SEC13: variants seen among roughly 807,000 people sequenced by gnomAD.
The protein encoded by SEC13 is SEC13 homolog, nuclear pore and COPII component.
SEC13 carries 25 observed loss-of-function variants against 49.2 expected under a neutral mutation model. That is an observed-to-expected ratio of 0.51 (90% CI 0.37 to 0.71). The LOEUF is 0.71. Ranked by LOEUF, SEC13 falls within the 30% of genes least tolerant of loss-of-function variation. The probability of loss-of-function intolerance (pLI) is 0.00; values close to 1 mark genes in which losing one functional copy is unlikely to be tolerated. For synonymous variants in SEC13, 148 were observed against 163.9 expected (o/e 0.90, Z 0.74); for missense variants, 383 against 417.6 (o/e 0.92, Z 0.72).
intron 5 of SEC13, chr3:10,311,484 G>T: frequency 4.3e-6 from 1 of 231,236 alleles, no homozygotes; most frequent in Non-Finnish European, 7.2e-6. Flanking sequence ...ATTGATGTTC[G>T]CTTTGCAAAC....
intron 5 of SEC13, among the ~76,000 whole-genome samples, chr3:10,306,458 A>G (rs1389578325): frequency 6.6e-6 from 1 of 152,222 alleles, no homozygotes; most frequent in Non-Finnish European, 1.5e-5. Context: ...AGCTGTCAAT[A>G]ACTCAGGCCT....
chr3:10,301,771 G>C (rs1244380712), intron 8 of SEC13, among the ~76,000 whole-genome samples: 1 of 152,282 alleles, frequency 6.6e-6, no homozygotes, highest in East Asian at 1.9e-4. Flanking sequence ...GAAGCTCTGG[G>C]GGTGGGGCTG....
At chr3:10,303,660 T>A (rs1244185732) in intron 8 of SEC13, 1 of 303,394 alleles carries the variant, frequency 3.3e-6, no homozygotes, top group African/African-American at 2.1e-5. Flanking sequence ...TCCCCAATCT[T>A]CTTCTGTTTA....
In SEC13 at chr3:10,321,100, G is replaced by C; in HGVS notation, c.-48C>G. 6.2e-7 allele frequency: 1 copy of C among 1,612,068 alleles called. No individual in the cohort carries two copies. The highest frequency in any genetic ancestry group is 8.5e-7 in the Non-Finnish European group (1 of 1,179,444). ...GGTCTCGGACGTGGCAGCTCCCGGC[G>C]GCGCCTCGGAACAGCTCACTTCCGG... On this transcript the variant is annotated 5_prime_UTR_variant, in exon 1 of 9. Transcript: ENST00000350697. This position sits in a 1 kb window ranked among gnomAD's most constrained non-coding sequence, Gnocchi z 4.1.
chr3:10,308,427 G>A (rs1310254252), intron 5 of SEC13, among the ~76,000 whole-genome samples: 4 of 151,600 alleles, frequency 2.6e-5, no homozygotes, highest in Non-Finnish European at 5.9e-5. Context: ...TTTATTGCTC[G>A]CAGTATTTCC....
chr3:10,309,221 G>A (rs1231715214), intron 5 of SEC13, among the ~76,000 whole-genome samples: 2 of 152,120 alleles, frequency 1.3e-5, no homozygotes, highest in Non-Finnish European at 2.9e-5. Context: ...TACAGGCTGA[G>A]CCACTGCGCC....
chr3:10,303,739 G>C (rs985942168), intron 8 of SEC13: 2 of 478,534 alleles, frequency 4.2e-6, no homozygotes, highest in Non-Finnish European at 7.7e-6. Flanking sequence ...CAAATGCTTA[G>C]TAGGGTGATG....
intron 5 of SEC13, 81 bp from the exon 6 acceptor site, chr3:10,305,773 C>T: frequency 6.6e-7 from 1 of 1,511,454 alleles, no homozygotes; most frequent in South Asian, 1.2e-5. Flanking sequence ...TCCCTCTCCC[C>T]TCCGCTTCTC....
rs115953955 is a variant in SEC13 at position 10,301,354 on chromosome 3, T to G, written c.876A>C (p.Ser292=). The G allele has an allele frequency of 1.3e-5, 21 of 1,614,204 alleles. No individual in the cohort carries two copies. Among genetic ancestry groups the G allele is most frequent in the Admixed American group, 1.7e-5 (1 of 60,020 alleles). ...TGATGCACACCCACTGCCCATCAACTGACTCCTTCCACAGGGTCACCTGCG... is the reference window on the plus strand; with the variant it reads ...TGATGCACACCCACTGCCCATCAACGGACTCCTTCCACAGGGTCACCTGCG... The part of the protein sequence containing the change: ...GDNKVTLWKE[S]VDGQWVCISD... The change falls in exon 9 of 9, where the codon TCA becomes TCC. Residue 292 remains serine (S), a synonymous_variant. Coordinates refer to ENST00000350697, the MANE Select transcript of SEC13 (RefSeq NM_183352.3).
At chr3:10,318,675 C>T (rs1240279626) in intron 1 of SEC13, among the ~76,000 whole-genome samples, 1 of 152,142 alleles carries the variant, frequency 6.6e-6, no homozygotes, top group Non-Finnish European at 1.5e-5. Context: ...TCGAGTGTTT[C>T]CTGAGGCTGC....
Position 10,312,653 on chromosome 3 carries a change from C to T in SEC13, c.242G>A (p.Arg81Gln), listed in dbSNP as rs4684682. The T allele has an allele frequency of 1.8e-5, 29 of 1,614,024 alleles. No individual in the cohort carries two copies. Among genetic ancestry groups the T allele is most frequent in the Admixed American group, 8.3e-5 (5 of 60,000 alleles). ...GNILASCSYD[R>Q]KVIIWREENG... ...TTCCTCTCTCCAGATAATGACTTTC[C>T]GGTCATAGGAGCACGATGCCAGGAT... is the stretch of plus-strand genomic sequence containing the variant. Residue 81 changes from arginine (R) to glutamine (Q), a missense_variant, in exon 4 of 9, where the codon CGG becomes CAG. Coordinates refer to ENST00000350697, the MANE Select transcript of SEC13 (RefSeq NM_183352.3).
At chr3:10,308,007 T>C (rs1045212130) in intron 5 of SEC13, among the ~76,000 whole-genome samples, 2 of 152,236 alleles carry the variant, frequency 1.3e-5, no homozygotes, top group African/African-American at 4.8e-5. Flanking sequence ...CTAGAAACAA[T>C]AGTCCCTGAA....
rs911547408 is a variant in SEC13 at position 10,311,803 on chromosome 3, G to C, written c.450+162C>G. ...CCCTGCCTGGTCTGGCTTCAGGGCA[G>C]AGAGGCTCAAAGCTGCTCTAGAGCA... On this transcript the variant is annotated intron_variant, in intron 5 of 8. Coordinates refer to ENST00000350697, the MANE Select transcript of SEC13 (RefSeq NM_183352.3). 2.7e-6 allele frequency: 4 copies of C among 1,491,940 alleles called. No homozygotes were observed. In the African/African-American group the frequency reaches 4.1e-5, roughly 15 times the overall value. The allele number at this position is 1,491,940 out of a possible 1,614,324, so 92.4% of individuals were successfully genotyped here.
At chr3:10,312,411 G>GGTCTT (rs1251003838) in intron 4 of SEC13, among the ~76,000 whole-genome samples, 168 bp downstream of exon 4, 4 of 152,188 alleles carry the variant, frequency 2.6e-5, no homozygotes, top group African/African-American at 9.7e-5. Context: ...ACTGGCTTTA[G>GGTCTT]GTCTTAGGGC....
At chr3:10,308,933 A>AT (rs56801249) in intron 5 of SEC13, among the ~76,000 whole-genome samples, 30,026 of 101,840 alleles carry the variant, frequency 0.29, 5,438 homozygotes, top group Non-Finnish European at 0.35. Context: ...CCTGGCCTTG[A>AT]TTTTTTTTTT....
In SEC13 at chr3:10,312,622, G is replaced by C. The variant is rs1382763420; in HGVS notation, c.273C>G (p.Gly91=). The change falls in exon 4 of 9, where the codon GGC becomes GGG. Residue 91 remains glycine (G), a synonymous_variant. Coordinates refer to ENST00000350697, the MANE Select transcript of SEC13 (RefSeq NM_183352.3). ...RKVIIWREEN[G]TWEKSHEHAG... is the part of the protein sequence containing the mutation. ...CATGCTCGTGGCTCTTCTCCCAGGT[G>C]CCGTTTTCCTCTCTCCAGATAATGA... The C allele has an allele frequency of 6.2e-7, 1 of 1,614,200 alleles. No homozygotes were observed. Among genetic ancestry groups the C allele is most frequent in the Admixed American group, 1.7e-5 (1 of 60,024 alleles).
At chr3:10,301,666 G>A (rs919513458) in intron 8 of SEC13, among the ~76,000 whole-genome samples, 5 of 152,234 alleles carry the variant, frequency 3.3e-5, no homozygotes, top group African/African-American at 1.2e-4. Context: ...GGGGAGCAGG[G>A]TTCGCAAAGT....
At position 10,304,034 on chromosome 3, in the gene SEC13, C is replaced by T. The variant is rs1174321672; in HGVS notation, c.847G>A (p.Asp283Asn). 2 of 1,614,108 alleles carry T rather than the reference C, an allele frequency of 1.2e-6. No homozygotes were observed. Among genetic ancestry groups the T allele is most frequent in the Non-Finnish European group, 1.7e-6 (2 of 1,180,024 alleles). The change falls in exon 8 of 9, where the codon GAC (aspartate) becomes AAC (asparagine). Residue 283 changes from aspartate to asparagine, a missense_variant. Transcript: ENST00000350697. ...GGGGAATGGGTATGTACCTTATTGT[C>T]TCCACCAGAGACAGCCAGGATGTTG... The part of the protein sequence containing the change: ...TANILAVSGG[D>N]NKVTLWKESV...
At chr3:10,312,195 AAAC>A (rs1701315559) in intron 4 of SEC13, 97 bp from the exon 5 acceptor site, 1 of 1,474,920 alleles carries the variant, frequency 6.8e-7, no homozygotes, top group Non-Finnish European at 9.0e-7. Flanking sequence ...TGTCTACAAC[AAAC>A]AACTGTAGGA....
Sources: gnomAD v4.1 joint callset for allele counts (sites outside exome capture counted in the v4.1 genomes callset) on GRCh38, gnomAD v4.1.1 for gene constraint, Gnocchi (gnomAD v3.1) non-coding constraint, MANE v1.5 for transcripts, NCBI Gene and HGNC (gene_info 2026-07-23, HGNC 2026-07-21) for gene names.